Variants in ALK observed in about 807,000 individuals in gnomAD.
ALK encodes the protein ALK receptor tyrosine kinase.
A neutral mutation model predicts 163.1 loss-of-function variants in ALK; 74 were observed. The ratio of observed to expected loss-of-function variants is 0.45; its 90% CI spans 0.38 to 0.55. The LOEUF (loss-of-function observed/expected upper bound fraction) is 0.55, where lower values mean the gene tolerates loss of function less well. ALK is among the 20% of genes least tolerant of loss of function. The pLI, the probability that ALK is intolerant of heterozygous loss-of-function variation, is 0.00. For synonymous variants in ALK, 960 were observed against 843.2 expected (o/e 1.14, Z -2.40); for missense variants, 2,063 against 2,105.3 (o/e 0.98, Z 0.39).
chr2:29,851,340 G>A (rs970559662), intron 1 of ALK, among the ~76,000 whole-genome samples: 2 of 152,072 alleles, frequency 1.3e-5, no homozygotes, highest in African/African-American at 2.4e-5. Flanking sequence ...TTCTACACTT[G>A]CTCTTCCTTG....
intron 8 of ALK, among the ~76,000 whole-genome samples, chr2:29,314,191 C>G (rs6742351): frequency 0.49 from 74,931 of 151,970 alleles, 19,883 homozygotes; most frequent in East Asian, 0.8. Flanking sequence ...CTTCGGGTGC[C>G]TTCCTTTGAG....
At chr2:29,241,042 AT>A (rs1264237177) in intron 12 of ALK, among the ~76,000 whole-genome samples, 1 of 152,214 alleles carries the variant, frequency 6.6e-6, no homozygotes, top group Non-Finnish European at 1.5e-5. Context: ...GTTTGCGAAC[AT>A]GGCAGGCAAG....
intron 2 of ALK, among the ~76,000 whole-genome samples, chr2:29,714,595 C>A (rs868220294): frequency 3.9e-5 from 6 of 152,136 alleles, no homozygotes; most frequent in African/African-American, 1.2e-4. Context: ...CTCACTCCCC[C>A]ACCCTGACGA....
intron 3 of ALK, among the ~76,000 whole-genome samples, chr2:29,693,917 C>T (rs1248698582): frequency 6.6e-6 from 1 of 152,192 alleles, no homozygotes; most frequent in Non-Finnish European, 1.5e-5. Flanking sequence ...TGCCCTGCCT[C>T]TCTCATTGAA....
chr2:29,667,440 T>C (rs1052111093), intron 3 of ALK, among the ~76,000 whole-genome samples: 13 of 152,126 alleles, frequency 8.5e-5, no homozygotes, highest in African/African-American at 3.1e-4. Context: ...GGTACAATGT[T>C]AGCTGTGGGT....
At chr2:29,236,653 C>T (rs1187517557) in intron 13 of ALK, among the ~76,000 whole-genome samples, 2 of 152,128 alleles carry the variant, frequency 1.3e-5, no homozygotes, top group Admixed American at 1.3e-4. Context: ...CCGCCCTTTC[C>T]TCACATGACT....
chr2:29,343,208 A>AT (rs1558684282), intron 5 of ALK, among the ~76,000 whole-genome samples: 3 of 136,328 alleles, frequency 2.2e-5, no homozygotes, highest in Admixed American at 7.5e-5. Flanking sequence ...AAAATTTAAA[A>AT]ATTTTTTTTT....
chr2:29,445,799 G>A (rs1477893931), intron 4 of ALK, among the ~76,000 whole-genome samples: 1 of 151,806 alleles, frequency 6.6e-6, no homozygotes, highest in East Asian at 1.9e-4. Context: ...TCCAGCGTGG[G>A]CAACAAGAGT....
chr2:29,832,739 C>G (rs1665453883), intron 1 of ALK, among the ~76,000 whole-genome samples: 1 of 152,250 alleles, frequency 6.6e-6, no homozygotes, highest in African/African-American at 2.4e-5. Flanking sequence ...ACTTAGGGAA[C>G]ACCTACCATG....
intron 3 of ALK, among the ~76,000 whole-genome samples, chr2:29,569,572 C>G (rs1422350911): frequency 1.6e-4 from 4 of 24,436 alleles, no homozygotes; most frequent in Admixed American, 1.3e-3. Context: ...TTCCCCCCCC[C>G]TAGTGAGGTC....
rs114133683 is a variant in ALK, at chr2:29,461,185, G to A, written c.1154+70730C>T. 1.2e-3 allele frequency among the ~76,000 whole-genome samples: 187 copies of A among 152,296 alleles called. 1 individual carries two copies. The highest frequency in any genetic ancestry group is 4.4e-3 in the African/African-American group (183 of 41,572). On this transcript the variant is annotated intron_variant, in intron 4 of 28. Coordinates refer to ENST00000389048, the MANE Select transcript of ALK (RefSeq NM_004304.5). ...GCAGAAGAAAAGTTTGAAGCTAGCA[G>A]AGGTTGGTTTATGAGGTTTAAGGCA...
chr2:29,311,825 C>T (rs1666704356), intron 8 of ALK, among the ~76,000 whole-genome samples: 1 of 152,168 alleles, frequency 6.6e-6, no homozygotes, highest in Non-Finnish European at 1.5e-5. Flanking sequence ...GAAGGCCCCT[C>T]TGTAAACATG....
intron 3 of ALK, among the ~76,000 whole-genome samples, chr2:29,541,641 A>G (rs1673416509): frequency 6.6e-6 from 1 of 152,194 alleles, no homozygotes; most frequent in Non-Finnish European, 1.5e-5. Context: ...AGGAAATAAA[A>G]ATATTTTACC....
chr2:29,457,881 A>C (rs932901639), intron 4 of ALK, among the ~76,000 whole-genome samples: 3 of 152,134 alleles, frequency 2.0e-5, no homozygotes, highest in Non-Finnish European at 4.4e-5. Context: ...ACTAAAACAA[A>C]AAAATCCTTC....
intron 1 of ALK, among the ~76,000 whole-genome samples, chr2:29,834,290 T>A (rs537886599): frequency 6.6e-6 from 1 of 152,294 alleles, no homozygotes; most frequent in South Asian, 2.1e-4. Context: ...CTCACCCAAT[T>A]AGAAAAAAAG....
At chr2:29,213,922 C>G (rs1669529250) in intron 24 of ALK, 62 bp downstream of exon 24, 1 of 1,429,090 alleles carries the variant, frequency 7.0e-7, no homozygotes, top group Non-Finnish European at 9.9e-7. Flanking sequence ...CCCTTGAGAT[C>G]TGCGGGGAAG....
At chr2:29,531,470 G>A (rs1673118051) in intron 4 of ALK, among the ~76,000 whole-genome samples, 1 of 152,046 alleles carries the variant, frequency 6.6e-6, no homozygotes, top group Non-Finnish European at 1.5e-5. Context: ...ATCCTGCTCT[G>A]GGGTACCAAA....
chr2:29,600,845 C>T (rs1056182000), intron 3 of ALK, among the ~76,000 whole-genome samples: 1 of 152,128 alleles, frequency 6.6e-6, no homozygotes, highest in African/African-American at 2.4e-5. Context: ...GGCCGTATTT[C>T]TGGAAATAGG....
chr2:29,846,188 G>A (rs1374328672), intron 1 of ALK, among the ~76,000 whole-genome samples: 3 of 152,170 alleles, frequency 2.0e-5, no homozygotes, highest in African/African-American at 7.2e-5. Flanking sequence ...ACTCCTGTCT[G>A]TTTCTTGAAC....
Sources: allele counts gnomAD v4.1 joint callset (sites outside exome capture counted in the v4.1 genomes callset), GRCh38; gene constraint gnomAD v4.1.1; transcripts MANE v1.5; gene names NCBI Gene and HGNC (gene_info 2026-07-23, HGNC 2026-07-21).